The following SDK2 variants were observed in gnomAD, a reference collection of about 807,000 sequenced individuals.
SDK2 encodes the protein protein sidekick-2.
A neutral mutation model predicts 253.9 loss-of-function variants in SDK2; 105 were observed. The ratio of observed to expected loss-of-function variants is 0.41; its 90% CI spans 0.35 to 0.49. The LOEUF is 0.49. SDK2 is among the 20% of genes least tolerant of loss of function. The probability of loss-of-function intolerance (pLI) is 0.06; values close to 1 mark genes in which losing one functional copy is unlikely to be tolerated. For missense variants in SDK2, 2,608 were observed against 3,003.0 expected, an observed-to-expected ratio of 0.87 and a Z score of 3.07; for synonymous variants, 1,249 against 1,234.9, an observed-to-expected ratio of 1.01 and a Z score of -0.24.
In SDK2 at chr17:73,390,352, G is replaced by A. The variant is rs368286974; in HGVS notation, c.4127C>T (p.Thr1376Met). Residue 1376 changes from threonine (T) to methionine (M), a missense_variant, in exon 29 of 45, where the codon ACG becomes ATG. Physicochemically the swap from Thr to Met is moderately conservative, Grantham distance 81. Transcript: ENST00000392650. ...TCCCCAGCCCTTGCGGGTCTGGGCC[G>A]TGATGCGGAACAGGTAGACAGACTC... The part of the protein sequence containing the change: ...KPESVYLFRI[T>M]AQTRKGWGEA... The A allele has an allele frequency of 2.1e-5, 34 of 1,611,020 alleles. No homozygotes were observed. The highest frequency in any genetic ancestry group is 9.3e-5 in the African/African-American group (7 of 75,022).
chr17:73,439,776 G>C (rs147792592), intron 6 of SDK2, among the ~76,000 whole-genome samples: 29 of 152,320 alleles, frequency 1.9e-4, no homozygotes, highest in African/African-American at 7.0e-4. Flanking sequence ...TGGAGACTGA[G>C]GCCCAGAGGG....
intron 6 of SDK2, among the ~76,000 whole-genome samples, chr17:73,440,243 T>C (rs1222344072): frequency 6.6e-6 from 1 of 151,956 alleles, no homozygotes; most frequent in Non-Finnish European, 1.5e-5. Flanking sequence ...GTAGGTGGGA[T>C]GACAGGCATG....
chr17:73,371,918 C>A (rs1388970210), intron 36 of SDK2, among the ~76,000 whole-genome samples: 1 of 150,390 alleles, frequency 6.6e-6, no homozygotes, highest in Non-Finnish European at 1.5e-5. Flanking sequence ...TGAGATAGCA[C>A]CACTGCACTC....
In SDK2 at chr17:73,385,850, C is replaced by T. The variant is rs762970443; in HGVS notation, c.4566G>A (p.Trp1522Ter). 1 of 1,606,260 alleles carries T rather than the reference C, an allele frequency of 6.2e-7. No homozygotes were observed. Among genetic ancestry groups the T allele is most frequent in the Non-Finnish European group, 8.5e-7 (1 of 1,177,088 alleles). The change falls in exon 32 of 45, where the codon TGG (tryptophan) becomes TGA (stop). Residue 1522 changes from tryptophan to a stop codon, truncating the protein, a stop_gained. Coordinates refer to ENST00000392650, the MANE Select transcript of SDK2 (RefSeq NM_001144952.2). LOFTEE classifies it high-confidence loss of function. The stretch of plus-strand genomic sequence containing the variant: ...TTTCCTGCCCGCTGGGCCATACCTG[C>T]CATCGGATTAGCACGGAGGTGGTGG... ...PHTTTSVLIR[W>*]QPPAEDKING... is the part of the protein sequence containing the mutation.
chr17:73,637,578 C>T (rs1190493063), intron 1 of SDK2, among the ~76,000 whole-genome samples: 1 of 152,172 alleles, frequency 6.6e-6, no homozygotes, highest in Non-Finnish European at 1.5e-5. Flanking sequence ...AGGGTTTTGC[C>T]ATGTTGGCCA....
intron 1 of SDK2, among the ~76,000 whole-genome samples, chr17:73,542,823 A>G (rs1048282538): frequency 2.6e-5 from 4 of 152,156 alleles, no homozygotes; most frequent in Non-Finnish European, 5.9e-5. Flanking sequence ...AAAATATCAA[A>G]TATAAAATTA....
At chr17:73,426,359 G>A (rs951522420) in intron 12 of SDK2, among the ~76,000 whole-genome samples, 40 of 151,760 alleles carry the variant, frequency 2.6e-4, no homozygotes, top group African/African-American at 9.2e-4. Flanking sequence ...GAGCCACCAC[G>A]CCTGACCAGT....
intron 1 of SDK2, among the ~76,000 whole-genome samples, chr17:73,620,647 G>T (rs1256086569): frequency 6.6e-6 from 1 of 152,188 alleles, no homozygotes; most frequent in Non-Finnish European, 1.5e-5. Context: ...AGTGCACGTG[G>T]CATATACATG....
chr17:73,366,083 G>A (rs1338205664), intron 37 of SDK2, among the ~76,000 whole-genome samples: 1 of 152,202 alleles, frequency 6.6e-6, no homozygotes, highest in East Asian at 1.9e-4. Flanking sequence ...GCCCAGGGAG[G>A]ATGACCAGGC....
At chr17:73,613,716 G>T (rs2046010209) in intron 1 of SDK2, among the ~76,000 whole-genome samples, 1 of 150,150 alleles carries the variant, frequency 6.7e-6, no homozygotes, top group East Asian at 2.0e-4. Flanking sequence ...CCTCCCAGCT[G>T]CCCCACCTCT....
At chr17:73,362,531 G>A (rs1307283710) in intron 38 of SDK2, among the ~76,000 whole-genome samples, 1 of 151,834 alleles carries the variant, frequency 6.6e-6, no homozygotes, top group African/African-American at 2.4e-5. Context: ...AGCTAAGACT[G>A]TAGGTGTGCA....
rs985855487 is a variant in SDK2, at chr17:73,466,849, T to A, written c.331+5263A>T. Among the ~76,000 whole-genome samples the A allele has an allele frequency of 5.3e-5, 8 of 151,786 alleles. No individual in the cohort carries two copies. The East Asian group carries it at 1.6e-3, about 30-fold the overall frequency. The stretch of plus-strand genomic sequence containing the variant: ...AACCTTGTTAACATCAGAACTGAAA[T>A]GGATCTCATTTTACAGATGGGAAAA... On this transcript the variant is annotated intron_variant, in intron 3 of 44. Transcript: ENST00000392650.
At chr17:73,460,941 A>G (rs1429830238) in intron 3 of SDK2, among the ~76,000 whole-genome samples, 1 of 152,214 alleles carries the variant, frequency 6.6e-6, no homozygotes, top group Admixed American at 6.5e-5. Context: ...CTCTAGTTTT[A>G]TTAGCTCCAT....
chr17:73,603,263 T>C (rs924254553), intron 1 of SDK2, among the ~76,000 whole-genome samples: 1 of 152,152 alleles, frequency 6.6e-6, no homozygotes, highest in Admixed American at 6.5e-5. Context: ...AGTGAGGGGT[T>C]AGCAGATCAG....
intron 18 of SDK2, among the ~76,000 whole-genome samples, chr17:73,410,461 ATG>A (rs922464524): frequency 2.6e-5 from 4 of 151,954 alleles, no homozygotes; most frequent in African/African-American, 9.7e-5. Flanking sequence ...GGGATTAGAG[ATG>A]TGTGTCACCA....
At chr17:73,638,448 A>G (rs1437081578) in intron 1 of SDK2, among the ~76,000 whole-genome samples, 1 of 152,180 alleles carries the variant, frequency 6.6e-6, no homozygotes, top group African/African-American at 2.4e-5. Context: ...GTGCTCCGAG[A>G]TGGATAAGAC....
intron 2 of SDK2, among the ~76,000 whole-genome samples, chr17:73,488,064 G>A (rs1342317227): frequency 6.6e-6 from 1 of 152,078 alleles, no homozygotes. Context: ...CGCCCAGGCT[G>A]GAGTGCAGTG....
At chr17:73,488,652 T>C (rs1298763064) in intron 2 of SDK2, among the ~76,000 whole-genome samples, 3 of 152,036 alleles carry the variant, frequency 2.0e-5, no homozygotes, top group African/African-American at 4.8e-5. Flanking sequence ...CAGTAACTTA[T>C]AAGCTGCACC....
chr17:73,490,746 G>A (rs1363708995), intron 2 of SDK2, among the ~76,000 whole-genome samples: 1 of 151,392 alleles, frequency 6.6e-6, no homozygotes, highest in Non-Finnish European at 1.5e-5. Flanking sequence ...TGCTGGTCTC[G>A]AACCCCTGAG....
Sources: allele counts gnomAD v4.1 joint callset (sites outside exome capture counted in the v4.1 genomes callset), GRCh38; gene constraint gnomAD v4.1.1; transcripts MANE v1.5; gene names NCBI Gene and HGNC (gene_info 2026-07-23, HGNC 2026-07-21).